Variants in KPNB1 observed in about 807,000 individuals in gnomAD.
KPNB1 encodes karyopherin subunit beta 1.
A neutral mutation model predicts 113.0 loss-of-function variants in KPNB1; 7 were observed. The observed-to-expected ratio is 0.06, with a 90% CI of 0.04 to 0.12. The LOEUF is 0.12. Ranked by LOEUF, KPNB1 falls within the 10% of genes least tolerant of loss-of-function variation. KPNB1 has a pLI of 1.00. For missense variants in KPNB1, 400 were observed against 1,054.8 expected (o/e 0.38, Z 8.60); for synonymous variants, 363 against 378.6 (o/e 0.96, Z 0.48).
intron 3 of KPNB1, 70 bp downstream of exon 3, chr17:47,652,946 A>G (rs1053137628): frequency 1.8e-5 from 22 of 1,219,896 alleles, no homozygotes; most frequent in Non-Finnish European, 2.5e-5. Context: ...ATCTTTTGCT[A>G]TTTGCATGGG....
Position 47,682,456 on chromosome 17 carries a change from C to A in KPNB1, c.*52C>A, listed in dbSNP as rs1193997502. Reference sequence around the variant, plus strand: ...AGGACCCCCACTGGAAATCTCCCATCTTTTGAAAAACCTGGAAGTGAGGAG... The same window carrying A: ...AGGACCCCCACTGGAAATCTCCCATATTTTGAAAAACCTGGAAGTGAGGAG... On this transcript the variant is annotated 3_prime_UTR_variant, in exon 22 of 22. Transcript: ENST00000290158. 5 of 779,360 alleles carry A rather than the reference C, an allele frequency of 6.4e-6. No individual in the cohort carries two copies. The highest frequency in any genetic ancestry group is 1.2e-5 in the Non-Finnish European group (5 of 418,038). 48.3% of individuals were successfully genotyped at this position (779,360 alleles called of 1,614,324 possible). A position where few individuals can be genotyped will look rare whatever the true frequency, so the allele number is the denominator to read the frequency against.
chr17:47,670,673 G>C lies in KPNB1; in HGVS notation c.1417-29G>C, dbSNP rs780821032. The C allele has an allele frequency of 9.5e-6, 15 of 1,581,356 alleles. No homozygotes were observed. In the Admixed American group the frequency reaches 2.6e-4, roughly 27 times the overall value. ...ATCCTAAGGTGTGGGGTTCTTTCAG[G>C]ATTAACATTGAACCTATGTGCATTT... On this transcript the variant is annotated intron_variant, in intron 11 of 21. Transcript: ENST00000290158.
chr17:47,669,081 C>T (rs2030375097), intron 10 of KPNB1, among the ~76,000 whole-genome samples: 1 of 145,704 alleles, frequency 6.9e-6, no homozygotes, highest in African/African-American at 2.5e-5. Flanking sequence ...TTCTGAGTAT[C>T]TGAGTAATTC....
intron 8 of KPNB1, among the ~76,000 whole-genome samples, 194 bp from the exon 9 acceptor site, chr17:47,664,863 T>A (rs1332058736): frequency 6.6e-6 from 1 of 152,216 alleles, no homozygotes; most frequent in African/African-American, 2.4e-5. Flanking sequence ...GCCTTGGACC[T>A]ATATTATATG....
chr17:47,665,680 A>G (rs1354603953), intron 9 of KPNB1, among the ~76,000 whole-genome samples: 1 of 152,246 alleles, frequency 6.6e-6, no homozygotes, highest in Non-Finnish European at 1.5e-5. Context: ...TTCAGGATGA[A>G]AGTAAAGTGA....
intron 2 of KPNB1, chr17:47,651,111 A>G (rs1915554633): frequency 1.8e-6 from 1 of 554,536 alleles, no homozygotes; most frequent in Non-Finnish European, 2.3e-6. Flanking sequence ...CTGCACCCAG[A>G]AAACAGACTG....
At position 47,678,431 on chromosome 17, in the gene KPNB1, G is replaced by T. The variant is rs565049846; in HGVS notation, c.2353+18G>T. ...CGTACACCGTTGAGTATACAACCCA[G>T]TTCCCTTCGTCCGCTCGCCAATGTG... On this transcript the variant is annotated intron_variant, in intron 19 of 21. Coordinates refer to ENST00000290158, the MANE Select transcript of KPNB1 (RefSeq NM_002265.6). 3 of 1,576,952 alleles carry T rather than the reference G, an allele frequency of 1.9e-6. No individual in the cohort carries two copies. The highest frequency in any genetic ancestry group is 2.6e-6 in the Non-Finnish European group (3 of 1,146,652).
At chr17:47,681,265 CTTTTT>C (rs535906429) in intron 21 of KPNB1, among the ~76,000 whole-genome samples, 1 of 122,696 alleles carries the variant, frequency 8.2e-6, no homozygotes, top group East Asian at 2.3e-4. Flanking sequence ...TTTTCTTCTT[CTTTTT>C]TTTTTTTTTT....
rs1456667053 is a variant in KPNB1, at chr17:47,650,157, AC to A, written c.-83del. On this transcript the variant is annotated 5_prime_UTR_variant, in exon 1 of 22. Transcript: ENST00000290158. ...CCACCCCACCCTCCCTTCCCACCCG[AC>A]CCCCAACCCCCATCCCCAGTTCGAG... The A allele has an allele frequency of 1.8e-5, 7 of 384,748 alleles. No homozygotes were observed. The highest frequency in any genetic ancestry group is 2.1e-5 in the Non-Finnish European group (7 of 327,012). The allele number at this position is 384,748 out of a possible 1,614,324, so 23.8% of individuals were successfully genotyped here. A position where few individuals can be genotyped will look rare whatever the true frequency, so the allele number is the denominator to read the frequency against.
chr17:47,657,135 T>G, intron 4 of KPNB1, 75 bp downstream of exon 4: 1 of 1,184,218 alleles, frequency 8.4e-7, no homozygotes, highest in Non-Finnish European at 1.2e-6. Flanking sequence ...ATATTAGTAC[T>G]ACCTTATTGA....
Position 47,683,101 on chromosome 17 carries a change from A to AC in KPNB1, c.*697_*698insC, listed in dbSNP as rs1318924305. On this transcript the variant is annotated 3_prime_UTR_variant, in exon 22 of 22. Coordinates refer to ENST00000290158, the MANE Select transcript of KPNB1 (RefSeq NM_002265.6). ...CAGCACAAGAGATGTAAAAAAAAAAAAAAAAAAAAAAAAAAAAACACACAC... is the reference window on the plus strand; with the variant it reads ...CAGCACAAGAGATGTAAAAAAAAAAACAAAAAAAAAAAAAAAAAACACACAC... The AC allele has an allele frequency of 1.4e-5, 2 of 146,744 alleles. No individual in the cohort carries two copies. The highest frequency in any genetic ancestry group is 3.0e-5 in the Non-Finnish European group (2 of 66,626). The allele number at this position is 146,744 out of a possible 1,614,324, so 9.1% of individuals were successfully genotyped here.
chr17:47,680,479 T>C (rs772293132), intron 20 of KPNB1, 29 bp from the exon 21 acceptor site: 12 of 1,612,444 alleles, frequency 7.4e-6, no homozygotes, highest in Admixed American at 3.3e-5. Flanking sequence ...GGCTAGGAGC[T>C]CATTCTCAGC....
intron 3 of KPNB1, among the ~76,000 whole-genome samples, chr17:47,656,182 C>T (rs1453588214): frequency 6.6e-6 from 1 of 152,070 alleles, no homozygotes; most frequent in Non-Finnish European, 1.5e-5. Flanking sequence ...TCGCTTGAAC[C>T]CAGAAGGCGG....
At position 47,682,469 on chromosome 17, in the gene KPNB1, TGGAAGTGA is replaced by T; in HGVS notation, c.*69_*76del. ...GAAATCTCCCATCTTTTGAAAAACC[TGGAAGTGA>T]GGAGTGTGCACGGATGCTGAATGTT... On this transcript the variant is annotated 3_prime_UTR_variant, in exon 22 of 22. Transcript: ENST00000290158. 1 of 779,134 alleles carries T rather than the reference TGGAAGTGA, an allele frequency of 1.3e-6. No homozygotes were observed. Among genetic ancestry groups the T allele is most frequent in the South Asian group, 1.3e-5 (1 of 74,526 alleles). 48.3% of individuals were successfully genotyped at this position (779,134 alleles called of 1,614,324 possible).
At chr17:47,664,085 G>T in intron 7 of KPNB1, 74 bp from the exon 8 acceptor site, 2 of 855,096 alleles carry the variant, frequency 2.3e-6, no homozygotes, top group Admixed American at 2.1e-5. Flanking sequence ...CATGTCTGTG[G>T]TTAAAGCCGG....
intron 19 of KPNB1, 70 bp from the exon 20 acceptor site, chr17:47,679,950 G>A (rs2030724169): frequency 1.1e-6 from 1 of 903,218 alleles, no homozygotes; most frequent in Non-Finnish European, 1.8e-6. Context: ...ACCCGCCTGG[G>A]CCTCCTAAAG....
intron 5 of KPNB1, 106 bp from the exon 6 acceptor site, chr17:47,661,013 G>A: frequency 1.2e-6 from 1 of 808,628 alleles, no homozygotes; most frequent in Non-Finnish European, 2.1e-6. Flanking sequence ...GGGCTGTGTG[G>A]GGCCCTGAGG....
Position 47,650,233 on chromosome 17 carries a change from G to GA in KPNB1, c.-12_-11insA, listed in dbSNP as rs1915493829. 2 of 1,563,540 alleles carry GA rather than the reference G, an allele frequency of 1.3e-6. No homozygotes were observed. Among genetic ancestry groups the GA allele is most frequent in the Admixed American group, 3.8e-5 (2 of 53,036 alleles). On this transcript the variant is annotated 5_prime_UTR_variant, in exon 1 of 22. Coordinates refer to ENST00000290158, the MANE Select transcript of KPNB1 (RefSeq NM_002265.6). ...CGTCTTAGGAGGAGTCGCCGCCGCC[G>GA]CCACCTCCGCCATGGAGCTGATCAC...
chr17:47,650,911 C>G (rs1159212364), intron 2 of KPNB1, among the ~76,000 whole-genome samples: 1 of 152,214 alleles, frequency 6.6e-6, no homozygotes, highest in African/African-American at 2.4e-5. Flanking sequence ...TTTCCTAGAG[C>G]TCTGCCCTTT....
Sources: gnomAD v4.1 joint callset for allele counts (sites outside exome capture counted in the v4.1 genomes callset) on GRCh38, gnomAD v4.1.1 for gene constraint, MANE v1.5 for transcripts, NCBI Gene and HGNC (gene_info 2026-07-23, HGNC 2026-07-21) for gene names.